The following USH2A variants were observed in gnomAD, a reference collection of about 807,000 sequenced individuals.
USH2A encodes the protein usherin.
USH2A carries 443 observed loss-of-function variants against 538.9 expected under a neutral mutation model. The observed-to-expected ratio is 0.82, with a 90% CI of 0.76 to 0.89. The LOEUF (loss-of-function observed/expected upper bound fraction) is 0.89, where lower values mean the gene tolerates loss of function less well. USH2A is among the 40% of genes least tolerant of loss of function. The pLI, the probability that USH2A is intolerant of heterozygous loss-of-function variation, is 0.00. For synonymous variants in USH2A, 2,413 were observed against 2,273.5 expected, an observed-to-expected ratio of 1.06 and a Z score of -1.75; for missense variants, 6,633 against 6,324.8, an observed-to-expected ratio of 1.05 and a Z score of -1.65.
At chr1:215,958,066 T>C (rs1667112728) in intron 37 of USH2A, among the ~76,000 whole-genome samples, 1 of 152,166 alleles carries the variant, frequency 6.6e-6, no homozygotes, top group Admixed American at 6.6e-5. Flanking sequence ...ACAGACTCTT[T>C]GGAAGTCTAA....
At chr1:216,032,220 G>A (rs1310665931) in intron 32 of USH2A, among the ~76,000 whole-genome samples, 1 of 151,924 alleles carries the variant, frequency 6.6e-6, no homozygotes, top group African/African-American at 2.4e-5. Flanking sequence ...AGGATGTTTT[G>A]CATTAAGAAT....
At chr1:215,697,665 G>T (rs752920696) in intron 61 of USH2A, among the ~76,000 whole-genome samples, 1 of 152,048 alleles carries the variant, frequency 6.6e-6, no homozygotes, top group Non-Finnish European at 1.5e-5. Context: ...GGGATTACAG[G>T]CATGTGCCAT....
chr1:215,718,531 C>T (rs1019665407), intron 61 of USH2A, among the ~76,000 whole-genome samples: 1 of 152,174 alleles, frequency 6.6e-6, no homozygotes, highest in Non-Finnish European at 1.5e-5. Flanking sequence ...TGCCGATGAT[C>T]ACAGCTAACC....
In USH2A at chr1:216,199,714, G is replaced by A. The variant is rs755849364; in HGVS notation, c.3724C>T (p.Pro1242Ser). 1.5e-5 allele frequency: 24 copies of A among 1,613,928 alleles called. No individual in the cohort carries two copies. The South Asian group carries it at 1.5e-4, about 10-fold the overall frequency. ...LPITVTTAQA[P>S]PQRLSPPKMQ... ...TTAGGTGGACTTAGTCTTTGGGGAG[G>A]GGCCTGGGCTGTGGTCACTGTAATG... The change falls in exon 17 of 72, where the codon CCT becomes TCT. Residue 1242 changes from proline (P) to serine (S), a missense_variant. Physicochemically the swap from Pro to Ser is moderately conservative, Grantham distance 74. Transcript: ENST00000307340.
intron 31 of USH2A, 109 bp from the exon 32 acceptor site, chr1:216,046,701 A>G (rs575270019): frequency 1.5e-6 from 2 of 1,313,800 alleles, no homozygotes; most frequent in African/African-American, 2.9e-5. Flanking sequence ...CCATGCATGG[A>G]AATATTCCCG....
At chr1:216,338,509 T>C (rs1006007361) in intron 4 of USH2A, among the ~76,000 whole-genome samples, 4 of 151,512 alleles carry the variant, frequency 2.6e-5, no homozygotes, top group Non-Finnish European at 5.9e-5. Context: ...GAGAATTTCT[T>C]AAGTAAGATA....
At chr1:215,748,053 G>A (rs1195955475) in intron 58 of USH2A, among the ~76,000 whole-genome samples, 1 of 151,850 alleles carries the variant, frequency 6.6e-6, no homozygotes, top group Non-Finnish European at 1.5e-5. Context: ...CACCGCGCCC[G>A]GCTAATTTTT....
At chr1:215,917,893 A>C (rs1666001430) in intron 38 of USH2A, among the ~76,000 whole-genome samples, 1 of 151,028 alleles carries the variant, frequency 6.6e-6, no homozygotes, top group East Asian at 2.0e-4. Flanking sequence ...AGCCCAGGAG[A>C]TTGAGGCTGC....
chr1:216,138,274 C>T (rs2033526120), intron 21 of USH2A, among the ~76,000 whole-genome samples: 2 of 152,092 alleles, frequency 1.3e-5, no homozygotes, highest in Non-Finnish European at 2.9e-5. Context: ...AGCCAATCAA[C>T]ACTTAGTATT....
At chr1:215,976,652 A>G (rs1571860721) in intron 35 of USH2A, among the ~76,000 whole-genome samples, 1 of 152,176 alleles carries the variant, frequency 6.6e-6, no homozygotes, top group Non-Finnish European at 1.5e-5. Context: ...TTATGAATAC[A>G]TTTATTGATT....
rs1403652238 is a variant in USH2A, at chr1:215,771,293, A to C, written c.10940-4505T>G. Among the ~76,000 whole-genome samples, 7 of 151,704 alleles carry C rather than the reference A, an allele frequency of 4.6e-5. No homozygotes were observed. In the South Asian group the frequency reaches 1.5e-3, roughly 32 times the overall value. The stretch of plus-strand genomic sequence containing the variant: ...CCAGTCAAATTTCCAGTAATATAAA[A>C]AATTCGGCCGGGCGCAGTGGCTCAC... On this transcript the variant is annotated intron_variant, in intron 55 of 71. Transcript: ENST00000307340.
rs757601479 is a variant in USH2A at position 215,675,401 on chromosome 1, A to C, written c.12510T>G (p.Ser4170Arg). 2 of 1,614,088 alleles carry C rather than the reference A, an allele frequency of 1.2e-6. No individual in the cohort carries two copies. The highest frequency in any genetic ancestry group is 2.2e-5 in the South Asian group (2 of 91,082). ...CAGGCTCAGACCAGCTCAGCTCAACACTGGTGGACTTCACAGAGTGGACAG... is the reference window on the plus strand; with the variant it reads ...CAGGCTCAGACCAGCTCAGCTCAACCCTGGTGGACTTCACAGAGTGGACAG... ...APTVHSVKST[S>R]VELSWSEPVN... is the part of the protein sequence containing the mutation. The change falls in exon 63 of 72, where the codon AGT becomes AGG. Residue 4170 changes from serine to arginine, a missense_variant. Transcript: ENST00000307340.
intron 11 of USH2A, among the ~76,000 whole-genome samples, chr1:216,285,584 G>A (rs974228367): frequency 2.0e-5 from 3 of 152,206 alleles, no homozygotes; most frequent in Non-Finnish European, 2.9e-5. Context: ...GTACTGCCTG[G>A]TGAATCTGTG....
intron 11 of USH2A, among the ~76,000 whole-genome samples, chr1:216,271,331 C>T (rs546891946): frequency 2.0e-5 from 3 of 152,186 alleles, no homozygotes; most frequent in East Asian, 1.9e-4. Flanking sequence ...TCAAACATCC[C>T]GTCCTTACTT....
chr1:216,199,890 A>G lies in USH2A; in HGVS notation c.3548T>C (p.Ile1183Thr), dbSNP rs766554272. ...SNQSGPIEKY[I>T]LSCAPLAGGQ... ...ACCAGCCAAAGGGGCACAGGACAAA[A>G]TATATTTCTCTATGGGACCAGATTG... Residue 1183 changes from isoleucine (I) to threonine (T), a missense_variant, in exon 17 of 72, where the codon ATT becomes ACT. Transcript: ENST00000307340. The G allele has an allele frequency of 6.2e-7, 1 of 1,614,136 alleles. No homozygotes were observed. Among genetic ancestry groups the G allele is most frequent in the South Asian group, 1.1e-5 (1 of 91,080 alleles).
intron 22 of USH2A, among the ~76,000 whole-genome samples, chr1:216,093,196 C>T (rs957224042): frequency 1.3e-5 from 2 of 151,992 alleles, no homozygotes; most frequent in South Asian, 2.1e-4. Context: ...AACTCCTGAC[C>T]TTGTGATCCA....
At chr1:216,214,325 T>TA (rs2035302725) in intron 15 of USH2A, among the ~76,000 whole-genome samples, 1 of 151,956 alleles carries the variant, frequency 6.6e-6, no homozygotes, top group South Asian at 2.1e-4. Flanking sequence ...AAACAAAATA[T>TA]AGTGTATCCA....
At chr1:216,369,816 G>A (rs570431623) in intron 3 of USH2A, among the ~76,000 whole-genome samples, 6 of 151,422 alleles carry the variant, frequency 4.0e-5, no homozygotes, top group South Asian at 2.1e-4. Flanking sequence ...CCAGCTACTC[G>A]GGAGGCTGAG....
intron 21 of USH2A, among the ~76,000 whole-genome samples, chr1:216,158,960 G>A (rs1484525589): frequency 5.3e-5 from 8 of 152,240 alleles, no homozygotes; most frequent in African/African-American, 1.9e-4. Flanking sequence ...ATTTATGTGT[G>A]TTAGTTCTAG....
Sources: allele counts gnomAD v4.1 joint callset (sites outside exome capture counted in the v4.1 genomes callset), GRCh38; gene constraint gnomAD v4.1.1; transcripts MANE v1.5; gene names NCBI Gene and HGNC (gene_info 2026-07-23, HGNC 2026-07-21).